PTPRQ: variants seen among roughly 807,000 people sequenced by gnomAD.
The protein encoded by PTPRQ is protein tyrosine phosphatase receptor type Q, also known as phosphatidylinositol phosphatase PTPRQ.
A neutral mutation model predicts 246.0 loss-of-function variants in PTPRQ; 199 were observed. That is an observed-to-expected ratio of 0.81 (90% CI 0.72 to 0.91). PTPRQ has a LOEUF of 0.91. Among genes scored for constraint, PTPRQ ranks in the 40% least tolerant of loss-of-function variants. The pLI, the probability that PTPRQ is intolerant of heterozygous loss-of-function variation, is 0.00. For synonymous variants in PTPRQ, 869 were observed against 853.2 expected, an observed-to-expected ratio of 1.02 and a Z score of -0.32; for missense variants, 2,624 against 2,528.4, an observed-to-expected ratio of 1.04 and a Z score of -0.81.
At chr12:80,525,964 G>A (rs2120775747) in intron 17 of PTPRQ, 1 of 152,196 alleles carries the variant, frequency 6.6e-6, no homozygotes, top group South Asian at 2.1e-4. Flanking sequence ...TTTATCACAA[G>A]TCACTAGCTC....
chr12:80,485,110 G>GA (rs1435134788), intron 9 of PTPRQ, among the ~76,000 whole-genome samples: 1 of 151,730 alleles, frequency 6.6e-6, no homozygotes, highest in Non-Finnish European at 1.5e-5. Flanking sequence ...CTAAATAAAA[G>GA]AAATTTAAGT....
chr12:80,626,810 T>C (rs2121152606), intron 33 of PTPRQ, among the ~76,000 whole-genome samples: 1 of 152,308 alleles, frequency 6.6e-6, no homozygotes, highest in East Asian at 1.9e-4. Context: ...TTCTTGATAG[T>C]TTTAATTATT....
chr12:80,633,610 A>C (rs1337659854), intron 34 of PTPRQ, among the ~76,000 whole-genome samples: 2 of 152,240 alleles, frequency 1.3e-5, no homozygotes, highest in African/African-American at 4.8e-5. Flanking sequence ...TCTAAATGCC[A>C]TGCATTATGG....
chr12:80,544,054 G>T (rs1456207303), intron 23 of PTPRQ, among the ~76,000 whole-genome samples: 2 of 152,212 alleles, frequency 1.3e-5, no homozygotes, highest in Non-Finnish European at 2.9e-5. Context: ...TATGGATCTT[G>T]TCTCCTCAGA....
chr12:80,504,175 T>G (rs1474117242), intron 14 of PTPRQ, among the ~76,000 whole-genome samples: 1 of 151,810 alleles, frequency 6.6e-6, no homozygotes, highest in Admixed American at 6.6e-5. Context: ...ATGTCTCAAC[T>G]GCCATTTTAT....
At chr12:80,635,159 T>A in intron 35 of PTPRQ, 86 bp downstream of exon 35, 3 of 1,487,102 alleles carry the variant, frequency 2.0e-6, no homozygotes, top group Non-Finnish European at 2.7e-6. Context: ...GAAGTGTTTG[T>A]GGGGCTCTAA....
chr12:80,623,828 G>A (rs1899090463), intron 33 of PTPRQ, among the ~76,000 whole-genome samples: 1 of 152,088 alleles, frequency 6.6e-6, no homozygotes, highest in Non-Finnish European at 1.5e-5. Flanking sequence ...ATGGAAATGA[G>A]AAAGAAAAGC....
chr12:80,497,478 G>A (rs1023303085), intron 14 of PTPRQ, among the ~76,000 whole-genome samples: 2 of 152,040 alleles, frequency 1.3e-5, no homozygotes, highest in African/African-American at 4.8e-5. Context: ...ATGCTCACCT[G>A]CTGTGTGGCC....
chr12:80,620,273 G>A lies in PTPRQ; in HGVS notation c.5509G>A (p.Gly1837Ser), dbSNP rs1174023167. 1 of 1,549,504 alleles carries A rather than the reference G, an allele frequency of 6.5e-7. No individual in the cohort carries two copies. Among genetic ancestry groups the A allele is most frequent in the East Asian group, 2.4e-5 (1 of 40,822 alleles). Residue 1837 changes from glycine (G) to serine (S), a missense_variant, in exon 32 of 45, where the codon GGC becomes AGC. Physicochemically the swap from Gly to Ser is moderately conservative, Grantham distance 56. Coordinates refer to ENST00000644991, the MANE Select transcript of PTPRQ (RefSeq NM_001145026.2). ...TACAGAAGGAAAGACAAAGTTTAGT[G>A]GCAATGAAGAAATCTACATCATAGG... is the stretch of plus-strand genomic sequence containing the variant. ...PCTEGKTKFS[G>S]NEEIYIIGAD...
At chr12:80,486,470 A>G (rs1393349957) in intron 9 of PTPRQ, among the ~76,000 whole-genome samples, 1 of 152,090 alleles carries the variant, frequency 6.6e-6, no homozygotes, top group African/African-American at 2.4e-5. Context: ...AGAAGCTTTA[A>G]ATCCAAATGG....
At chr12:80,610,753 T>G (rs1391327238) in intron 28 of PTPRQ, 128 bp downstream of exon 28, 79 of 1,142,100 alleles carry the variant, frequency 6.9e-5, no homozygotes, top group Non-Finnish European at 1.9e-5. Flanking sequence ...ACAAAAAAAT[T>G]AGTGACTCTC....
At chr12:80,447,933 A>G (rs1892603728) in intron 3 of PTPRQ, among the ~76,000 whole-genome samples, 1 of 151,752 alleles carries the variant, frequency 6.6e-6, no homozygotes, top group East Asian at 1.9e-4. Context: ...TAATTCTGTG[A>G]AAAATTACAT....
chr12:80,547,615 A>G (rs1296170488), intron 24 of PTPRQ, among the ~76,000 whole-genome samples: 1 of 152,158 alleles, frequency 6.6e-6, no homozygotes, highest in Non-Finnish European at 1.5e-5. Flanking sequence ...ACATGCTGTG[A>G]AGTCATTTTC....
chr12:80,669,428 A>C lies in PTPRQ; in HGVS notation c.6417A>C (p.Gln2139His), dbSNP rs1260624448. ...TTACAAAGCTAATGGAGGATGTTCA[A>C]ATAGATTGGACTATCAGGGATCTGA... ...IVITKLMEDV[Q>H]IDWTIRDLKI... is the part of the protein sequence containing the mutation. The change falls in exon 41 of 45, where the codon CAA becomes CAC. Residue 2139 changes from glutamine (Q) to histidine (H), a missense_variant. By Grantham distance (24) the Gln-to-His change is conservative. Transcript: ENST00000644991. The C allele has an allele frequency of 6.5e-7, 1 of 1,549,556 alleles. No individual in the cohort carries two copies. Among genetic ancestry groups the C allele is most frequent in the Admixed American group, 2.0e-5 (1 of 50,836 alleles).
At position 80,496,131 on chromosome 12, in the gene PTPRQ, A is replaced by C. The variant is rs747510550; in HGVS notation, c.1990+25A>C. On this transcript the variant is annotated intron_variant, in intron 13 of 44. Coordinates refer to ENST00000644991, the MANE Select transcript of PTPRQ (RefSeq NM_001145026.2). ...GGTAAGAATATCAATTGCAGCTTTA[A>C]TTTTTTTAAAAAAGTGGTTGTAAAT... 3 of 1,544,198 alleles carry C rather than the reference A, an allele frequency of 1.9e-6. 1 individual carries two copies. The South Asian group carries it at 3.6e-5, about 19-fold the overall frequency.
chr12:80,642,918 T>TCAAAAAAAAAA lies in PTPRQ; in HGVS notation c.5916-5979_5916-5978insCAAAAAAAAAA, dbSNP rs1400331385. On this transcript the variant is annotated intron_variant, in intron 35 of 44. Coordinates refer to ENST00000644991, the MANE Select transcript of PTPRQ (RefSeq NM_001145026.2). ...CTGGGCGACAGAGCGAGACTCCGTCTTAAAAAAAAAAAAAAAAAAAAAAAA... is the reference window on the plus strand; with the variant it reads ...CTGGGCGACAGAGCGAGACTCCGTCTCAAAAAAAAAATAAAAAAAAAAAAAAAAAAAAAAAA... Among the ~76,000 whole-genome samples, 8 of 69,372 alleles carry TCAAAAAAAAAA rather than the reference T, an allele frequency of 1.2e-4. 2 individuals are homozygous for TCAAAAAAAAAA. The highest frequency in any genetic ancestry group is 9.3e-4 in the African/African-American group (7 of 7,544). 45.5% of individuals were successfully genotyped at this position (69,372 alleles called of 152,430 possible).
intron 35 of PTPRQ, among the ~76,000 whole-genome samples, chr12:80,647,819 T>A (rs1900124461): frequency 6.6e-6 from 1 of 152,110 alleles, no homozygotes; most frequent in Admixed American, 6.6e-5. Flanking sequence ...ATGCCCTGTT[T>A]GGCAATGGAA....
At chr12:80,496,184 C>T (rs1894614201) in intron 13 of PTPRQ, 66 bp from the exon 14 acceptor site, 5 of 1,543,630 alleles carry the variant, frequency 3.2e-6, no homozygotes, top group Non-Finnish European at 4.4e-6. Context: ...CATGCTACCT[C>T]TAGGGTCTAA....
At chr12:80,452,732 T>C (rs1565712934) in intron 3 of PTPRQ, among the ~76,000 whole-genome samples, 1 of 152,252 alleles carries the variant, frequency 6.6e-6, no homozygotes, top group Admixed American at 6.5e-5. Flanking sequence ...TACTGAGAGA[T>C]CCGCTGTTAG....
Sources: gnomAD v4.1 joint callset for allele counts (sites outside exome capture counted in the v4.1 genomes callset) on GRCh38, gnomAD v4.1.1 for gene constraint, MANE v1.5 for transcripts, NCBI Gene and HGNC (gene_info 2026-07-23, HGNC 2026-07-21) for gene names.